Variants in NCKAP5 observed in about 807,000 individuals in gnomAD.
NCKAP5 encodes the protein nck-associated protein 5.
Under a neutral mutation model 167.0 loss-of-function variants are expected in NCKAP5, and 92 were observed. The observed-to-expected ratio is 0.55, with a 90% CI of 0.47 to 0.66. The LOEUF (loss-of-function observed/expected upper bound fraction) is 0.66, where lower values mean the gene tolerates loss of function less well. Among genes scored for constraint, NCKAP5 ranks in the 30% least tolerant of loss-of-function variants. The pLI, the probability that NCKAP5 is intolerant of heterozygous loss-of-function variation, is 0.00. For synonymous variants in NCKAP5, 891 were observed against 877.4 expected (o/e 1.02, Z -0.27); for missense variants, 2,378 against 2,315.0 (o/e 1.03, Z -0.56).
chr2:133,299,791 G>T (rs1266116296), intron 4 of NCKAP5, among the ~76,000 whole-genome samples: 7 of 152,062 alleles, frequency 4.6e-5, no homozygotes, highest in Admixed American at 4.6e-4. Context: ...GCTTACTGAG[G>T]GTGGGTGAGA....
chr2:133,465,353 G>T (rs556132285), intron 3 of NCKAP5, among the ~76,000 whole-genome samples: 4 of 151,922 alleles, frequency 2.6e-5, no homozygotes, highest in African/African-American at 9.7e-5. Context: ...ATTTTTTATG[G>T]CTGCATAGTA....
chr2:133,612,843 A>G, the NCKAP5 span, among the ~76,000 whole-genome samples: 2 of 152,198 alleles, frequency 1.3e-5, no homozygotes, highest in South Asian at 2.1e-4. Context: ...TGAAGCCTTT[A>G]TAACATTGCT....
chr2:132,890,781 C>A (rs190351827), intron 8 of NCKAP5, among the ~76,000 whole-genome samples: 1 of 152,152 alleles, frequency 6.6e-6, no homozygotes, highest in Non-Finnish European at 1.5e-5. Flanking sequence ...GGGTGTTCCC[C>A]ACTGATTGTA....
chr2:132,991,461 T>A (rs2077445089), intron 7 of NCKAP5, among the ~76,000 whole-genome samples: 1 of 152,186 alleles, frequency 6.6e-6, no homozygotes, highest in Non-Finnish European at 1.5e-5. Flanking sequence ...AAACACCCAT[T>A]GTCCTTTGAG....
chr2:133,633,093 A>T, the NCKAP5 span, among the ~76,000 whole-genome samples: 1 of 152,194 alleles, frequency 6.6e-6, no homozygotes, highest in African/African-American at 2.4e-5. Flanking sequence ...TCTCTGTTAC[A>T]TACCCAGAAT....
At chr2:132,832,421 C>T (rs367647228) in intron 11 of NCKAP5, among the ~76,000 whole-genome samples, 30 of 152,076 alleles carry the variant, frequency 2.0e-4, no homozygotes, top group Non-Finnish European at 4.0e-4. Context: ...AACTTTGTTA[C>T]ATGGATAGAT....
chr2:133,221,199 A>G (rs184664836), intron 4 of NCKAP5, among the ~76,000 whole-genome samples: 6 of 152,304 alleles, frequency 3.9e-5, no homozygotes, highest in Admixed American at 3.9e-4. Context: ...TGAATTTAAA[A>G]AGGAAAAATT....
Position 133,314,683 on chromosome 2 carries a change from T to C in NCKAP5, c.70-11573A>G, listed in dbSNP as rs530427136. 1.1e-4 allele frequency among the ~76,000 whole-genome samples: 16 copies of C among 152,334 alleles called. No individual in the cohort carries two copies. The East Asian group carries it at 3.1e-3, about 29-fold the overall frequency. ...TCAAGGTCTGGGCAATACAGCCATG[T>C]ACAGTGCAGGCAAGTCTCTGCCTGC... On this transcript the variant is annotated intron_variant, in intron 3 of 19. Transcript: ENST00000409261.
Position 133,153,036 on chromosome 2 carries a change from C to T in NCKAP5, c.208-22925G>A, listed in dbSNP as rs527393651. On this transcript the variant is annotated intron_variant, in intron 5 of 19. Transcript: ENST00000409261. ...CAGATTTCTTAGAATGTATCCCTGT[C>T]ATTAAGCAATGCATCGTTGTACACA... is the stretch of plus-strand genomic sequence containing the variant. Among the ~76,000 whole-genome samples, 4 of 152,134 alleles carry T rather than the reference C, an allele frequency of 2.6e-5. No homozygotes were observed. In the South Asian group the frequency reaches 8.3e-4, roughly 31 times the overall value.
At position 133,346,360 on chromosome 2, in the gene NCKAP5, A is replaced by C. The variant is rs144594542; in HGVS notation, c.70-43250T>G. Among the ~76,000 whole-genome samples the C allele has an allele frequency of 7.4e-3, 1,129 of 152,322 alleles. 16 individuals carry two copies. The highest frequency in any genetic ancestry group is 0.024 in the African/African-American group (993 of 41,556). The stretch of plus-strand genomic sequence containing the variant: ...AAGAAGAGGAGAGATTGATGATGAC[A>C]GACTGTGAATTTGAAAGGATTTTCA... On this transcript the variant is annotated intron_variant, in intron 3 of 19. Coordinates refer to ENST00000409261, the MANE Select transcript of NCKAP5 (RefSeq NM_207363.3).
chr2:133,006,604 A>G (rs555668759), intron 6 of NCKAP5, among the ~76,000 whole-genome samples: 1 of 138,082 alleles, frequency 7.2e-6, no homozygotes, highest in South Asian at 2.7e-4. Flanking sequence ...CATCTCACAC[A>G]GTTTTTATTT....
At chr2:133,566,027 C>T (rs576559198) in intron 1 of NCKAP5, among the ~76,000 whole-genome samples, 5 of 152,262 alleles carry the variant, frequency 3.3e-5, no homozygotes, top group African/African-American at 1.2e-4. Flanking sequence ...ACAGTCGAAA[C>T]AAGTGAATCA....
At chr2:132,949,613 C>T (rs1307893850) in intron 8 of NCKAP5, among the ~76,000 whole-genome samples, 1 of 152,180 alleles carries the variant, frequency 6.6e-6, no homozygotes, top group Non-Finnish European at 1.5e-5. Context: ...CCTTCTGAAA[C>T]CTGTGAGAAT....
At chr2:133,333,051 A>G (rs1372468854) in intron 3 of NCKAP5, among the ~76,000 whole-genome samples, 1 of 152,270 alleles carries the variant, frequency 6.6e-6, no homozygotes, top group Non-Finnish European at 1.5e-5. Flanking sequence ...TGAAATAATT[A>G]TGAATCTAAA....
chr2:133,073,315 T>C (rs2080484451), intron 6 of NCKAP5, among the ~76,000 whole-genome samples: 1 of 150,934 alleles, frequency 6.6e-6, no homozygotes, highest in South Asian at 2.1e-4. Context: ...ATGCAAGGAG[T>C]TGCAAAAAGA....
intron 8 of NCKAP5, among the ~76,000 whole-genome samples, chr2:132,910,920 A>G (rs1694398803): frequency 6.6e-6 from 1 of 152,188 alleles, no homozygotes; most frequent in South Asian, 2.1e-4. Context: ...TCTCATAAGC[A>G]TCAGTACTCA....
intron 6 of NCKAP5, among the ~76,000 whole-genome samples, chr2:133,078,368 C>T (rs1205359442): frequency 6.6e-6 from 1 of 152,178 alleles, no homozygotes; most frequent in African/African-American, 2.4e-5. Flanking sequence ...GTAAACTCAC[C>T]TGCTGTACAC....
At chr2:133,132,955 C>T (rs2082664715) in intron 5 of NCKAP5, among the ~76,000 whole-genome samples, 1 of 152,034 alleles carries the variant, frequency 6.6e-6, no homozygotes, top group South Asian at 2.1e-4. Flanking sequence ...GGATTATAGG[C>T]GTTAGCCACC....
intron 3 of NCKAP5, among the ~76,000 whole-genome samples, chr2:133,389,699 C>T (rs370999801): frequency 1.3e-5 from 2 of 152,182 alleles, no homozygotes; most frequent in Admixed American, 6.5e-5. Context: ...AAAATAATTA[C>T]GAAGTATAAT....
Sources: gnomAD v4.1 joint callset for allele counts (sites outside exome capture counted in the v4.1 genomes callset) on GRCh38, gnomAD v4.1.1 for gene constraint, MANE v1.5 for transcripts, NCBI Gene and HGNC (gene_info 2026-07-23, HGNC 2026-07-21) for gene names.